The following DLGAP2 variants were observed in gnomAD, a reference collection of about 807,000 sequenced individuals.
DLGAP2 encodes DLG associated protein 2.
DLGAP2 carries 26 observed loss-of-function variants against 100.3 expected under a neutral mutation model. The observed-to-expected ratio is 0.26, with a 90% CI of 0.19 to 0.36. The LOEUF is 0.36. Ranked by LOEUF, DLGAP2 falls within the 10% of genes least tolerant of loss-of-function variation. The pLI is 1.00. For synonymous variants in DLGAP2, 886 were observed against 630.1 expected, an observed-to-expected ratio of 1.41 and a Z score of -6.08; for missense variants, 1,858 against 1,453.2, an observed-to-expected ratio of 1.28 and a Z score of -4.53.
rs1035247337 is a variant in DLGAP2, at chr8:1,370,797, A to T, written c.106+111914A>T. 7.5e-4 allele frequency among the ~76,000 whole-genome samples: 114 copies of T among 152,172 alleles called. 2 individuals are homozygous for T. The highest frequency in any genetic ancestry group is 2.6e-3 in the African/African-American group (106 of 41,448). The stretch of plus-strand genomic sequence containing the variant: ...GGTTACCACTGCCTGGCCTGGGGCA[A>T]GTTCCACTCCTCTGTTTCTTCATCA... On this transcript the variant is annotated intron_variant, in intron 3 of 14. Coordinates refer to ENST00000637795, the MANE Select transcript of DLGAP2 (RefSeq NM_001346810.2).
intron 12 of DLGAP2, chr8:1,680,630 G>A (rs1798922300): frequency 6.6e-6 from 1 of 152,218 alleles, no homozygotes; most frequent in Non-Finnish European, 1.5e-5. Flanking sequence ...GCATGGGGCT[G>A]GTGCAAGTCA....
chr8:1,255,382 G>T, intron 2 of DLGAP2, among the ~76,000 whole-genome samples: 1 of 130,568 alleles, frequency 7.7e-6, no homozygotes, highest in Admixed American at 7.6e-5. Context: ...ATCCTGCCCG[G>T]GTGCTGTGTG....
intron 8 of DLGAP2, among the ~76,000 whole-genome samples, chr8:1,640,530 C>T (rs923935732): frequency 4.6e-5 from 7 of 152,188 alleles, no homozygotes; most frequent in African/African-American, 1.2e-4. Flanking sequence ...TCATGATCCC[C>T]ATTAGAACGT....
chr8:1,142,232 A>T (rs1393007715), intron 2 of DLGAP2, among the ~76,000 whole-genome samples: 1 of 152,208 alleles, frequency 6.6e-6, no homozygotes, highest in African/African-American at 2.4e-5. Context: ...TAATAAAATT[A>T]TGCATCATAA....
intron 2 of DLGAP2, among the ~76,000 whole-genome samples, chr8:1,117,445 A>G (rs1805153344): frequency 6.6e-6 from 1 of 152,212 alleles, no homozygotes; most frequent in Admixed American, 6.5e-5. Flanking sequence ...CAGAGAAGAA[A>G]CAGGCTCACG....
At chr8:1,134,658 A>T (rs953740346) in intron 2 of DLGAP2, among the ~76,000 whole-genome samples, 1 of 152,228 alleles carries the variant, frequency 6.6e-6, no homozygotes, top group Non-Finnish European at 1.5e-5. Context: ...CTGCCTGAGA[A>T]TGGGTAATTT....
chr8:946,952 G>A lies in DLGAP2; in HGVS notation c.73+38986G>A, dbSNP rs571423627. ...TGTCCTGCTGCCGGGGTTGCGCACC[G>A]GGCGAGGGCTCTGGGACGTCGGGTA... On this transcript the variant is annotated intron_variant, in intron 2 of 14. Transcript: ENST00000637795. 1.6e-3 allele frequency among the ~76,000 whole-genome samples: 239 copies of A among 152,292 alleles called. 3 individuals carry two copies. The highest frequency in any genetic ancestry group is 5.6e-3 in the African/African-American group (234 of 41,554).
At chr8:1,692,790 C>T (rs1799285620) in intron 13 of DLGAP2, among the ~76,000 whole-genome samples, 1 of 151,768 alleles carries the variant, frequency 6.6e-6, no homozygotes, top group Non-Finnish European at 1.5e-5. Context: ...ATACAGTTGA[C>T]GTTAAACTTG....
intron 2 of DLGAP2, among the ~76,000 whole-genome samples, chr8:1,110,821 C>T (rs1352757584): frequency 6.6e-6 from 1 of 151,278 alleles, no homozygotes; most frequent in Non-Finnish European, 1.5e-5. Flanking sequence ...TCACCCTGCA[C>T]AGCCCTGACC....
intron 3 of DLGAP2, chr8:1,300,494 CG>C (rs1563069879): frequency 6.6e-6 from 1 of 152,284 alleles, no homozygotes; most frequent in African/African-American, 2.4e-5. Context: ...AGCCATGCTT[CG>C]TACTTGTCAA....
At chr8:1,441,770 T>G (rs1797840102) in intron 3 of DLGAP2, among the ~76,000 whole-genome samples, 1 of 150,722 alleles carries the variant, frequency 6.6e-6, no homozygotes, top group African/African-American at 2.4e-5. Flanking sequence ...GAGTGGGCTT[T>G]CAACAGCTTG....
intron 1 of DLGAP2, chr8:892,932 C>CCCGTG (rs1798066258): frequency 7.0e-6 from 1 of 142,484 alleles, no homozygotes; most frequent in Non-Finnish European, 1.5e-5. Context: ...CCCATGGAAT[C>CCCGTG]CCGTGCCTCC....
chr8:1,649,065 C>T (rs7461958), intron 8 of DLGAP2, among the ~76,000 whole-genome samples: 62,038 of 151,966 alleles, frequency 0.41, 12,865 homozygotes, highest in South Asian at 0.52. Context: ...TTGCCTGTGA[C>T]GCTTCAAAAT....
chr8:1,292,451 T>G (rs1354809097), intron 3 of DLGAP2, among the ~76,000 whole-genome samples: 1 of 152,210 alleles, frequency 6.6e-6, no homozygotes, highest in Admixed American at 6.5e-5. Context: ...AGCTCAGAAG[T>G]GTGTGTGATC....
chr8:1,579,004 A>T (rs571940210), intron 6 of DLGAP2, among the ~76,000 whole-genome samples: 16 of 152,370 alleles, frequency 1.1e-4, no homozygotes, highest in Middle Eastern at 3.4e-3. Context: ...AAATTAGCTT[A>T]TGTATTAGTG....
chr8:1,523,453 C>CG (rs147457715), intron 4 of DLGAP2, among the ~76,000 whole-genome samples: 47 of 152,334 alleles, frequency 3.1e-4, no homozygotes, highest in African/African-American at 1.1e-3. Context: ...CGCAGACACA[C>CG]GGAGCCCCAA....
At chr8:1,315,232 G>A (rs539184367) in intron 3 of DLGAP2, among the ~76,000 whole-genome samples, 1 of 152,230 alleles carries the variant, frequency 6.6e-6, no homozygotes, top group Admixed American at 6.5e-5. Flanking sequence ...TGCAAGTACA[G>A]TGTCTCTCCA....
intron 3 of DLGAP2, among the ~76,000 whole-genome samples, chr8:1,342,825 C>G (rs544789804): frequency 3.9e-4 from 59 of 152,236 alleles, no homozygotes; most frequent in African/African-American, 1.2e-3. Context: ...TGTGATTTAG[C>G]GCTGTATTTC....
Position 1,678,206 on chromosome 8 carries a change from T to C in DLGAP2, c.2289-8T>C. ...GCTACCATCTGTCTTCCTTCCCTCC[T>C]TTTGCAGACACGGACGTTTTAAACG... On this transcript the variant is annotated splice_polypyrimidine_tract_variant and splice_region_variant and intron_variant, in intron 11 of 14. Transcript: ENST00000637795. 6.2e-7 allele frequency: 1 copy of C among 1,602,074 alleles called. No homozygotes were observed. Among genetic ancestry groups the C allele is most frequent in the Non-Finnish European group, 8.5e-7 (1 of 1,172,860 alleles).
Sources: gnomAD v4.1 joint callset for allele counts (sites outside exome capture counted in the v4.1 genomes callset) on GRCh38, gnomAD v4.1.1 for gene constraint, MANE v1.5 for transcripts, NCBI Gene and HGNC (gene_info 2026-07-23, HGNC 2026-07-21) for gene names.